SLC24A2: variants seen among roughly 807,000 people sequenced by gnomAD.
SLC24A2 encodes sodium/potassium/calcium exchanger 2.
In SLC24A2, 36 loss-of-function variants were observed where a neutral mutation model predicts 62.0. The observed-to-expected ratio is 0.58, with a 90% confidence interval of 0.44 to 0.77. The LOEUF (loss-of-function observed/expected upper bound fraction) is 0.77, where lower values mean the gene tolerates loss of function less well. SLC24A2 is among the 30% of genes least tolerant of loss of function. The pLI, the probability that SLC24A2 is intolerant of heterozygous loss-of-function variation, is 0.00. For missense variants in SLC24A2, 846 were observed against 817.9 expected, an observed-to-expected ratio of 1.03 and a Z score of -0.42; for synonymous variants, 358 against 294.0, an observed-to-expected ratio of 1.22 and a Z score of -2.23.
At chr9:19,639,055 C>A (rs1818427361) in intron 2 of SLC24A2, among the ~76,000 whole-genome samples, 1 of 152,078 alleles carries the variant, frequency 6.6e-6, no homozygotes, top group Admixed American at 6.6e-5. Context: ...ACATAATCTG[C>A]TTCAATTTCT....
the SLC24A2 span, among the ~76,000 whole-genome samples, chr9:20,079,172 C>A: frequency 2.0e-5 from 3 of 152,140 alleles, no homozygotes; most frequent in African/African-American, 7.2e-5. Context: ...AGTTATGCAG[C>A]CACCAGAAGC....
the SLC24A2 span, among the ~76,000 whole-genome samples, chr9:20,212,178 T>C: frequency 2.6e-5 from 4 of 151,686 alleles, no homozygotes; most frequent in South Asian, 6.2e-4. Context: ...AAAATATTAA[T>C]ATCAGTAAAA....
chr9:20,147,134 T>A, the SLC24A2 span, among the ~76,000 whole-genome samples: 1 of 152,164 alleles, frequency 6.6e-6, no homozygotes, highest in Non-Finnish European at 1.5e-5. Flanking sequence ...AACAGAGAAA[T>A]GCCTGATCAC....
the SLC24A2 span, among the ~76,000 whole-genome samples, chr9:20,055,725 T>C: frequency 2.6e-5 from 4 of 152,012 alleles, no homozygotes; most frequent in South Asian, 2.1e-4. Flanking sequence ...CAATCTCTAC[T>C]AAAAATACAA....
At chr9:19,845,706 C>G in the SLC24A2 span, among the ~76,000 whole-genome samples, 3 of 152,094 alleles carry the variant, frequency 2.0e-5, no homozygotes. Context: ...ATCTATTTAA[C>G]TTTTTGAAGT....
intron 2 of SLC24A2, among the ~76,000 whole-genome samples, chr9:19,685,016 A>C (rs1159981490): frequency 6.6e-6 from 1 of 152,148 alleles, no homozygotes; most frequent in Non-Finnish European, 1.5e-5. Context: ...GATAAAAATT[A>C]ATGTACAAAA....
At chr9:19,950,306 T>A in the SLC24A2 span, among the ~76,000 whole-genome samples, 24 of 152,334 alleles carry the variant, frequency 1.6e-4, no homozygotes, top group East Asian at 4.4e-3. Flanking sequence ...TTGCTATTAT[T>A]TTTATTACAA....
the SLC24A2 span, among the ~76,000 whole-genome samples, chr9:20,058,521 A>ACACACACACACACACAC: frequency 6.6e-6 from 1 of 151,710 alleles, no homozygotes; most frequent in African/African-American, 2.4e-5. Context: ...ACACACACAC[A>ACACACACACACACACAC]AATATTTGGG....
intron 2 of SLC24A2, among the ~76,000 whole-genome samples, chr9:19,626,383 A>T (rs1818036875): frequency 6.6e-6 from 1 of 152,174 alleles, no homozygotes; most frequent in South Asian, 2.1e-4. Context: ...CACCATGAAG[A>T]CTTCATAGGA....
At chr9:19,893,122 A>C in the SLC24A2 span, among the ~76,000 whole-genome samples, 2 of 152,354 alleles carry the variant, frequency 1.3e-5, no homozygotes, top group African/African-American at 4.8e-5. Flanking sequence ...CATGTAAGAA[A>C]GTCTCTATGA....
intron 2 of SLC24A2, among the ~76,000 whole-genome samples, chr9:19,683,116 A>C (rs1448661649): frequency 6.6e-6 from 1 of 152,148 alleles, no homozygotes; most frequent in Non-Finnish European, 1.5e-5. Flanking sequence ...AGAGGAGGGA[A>C]AGGTTTACTA....
the SLC24A2 span, among the ~76,000 whole-genome samples, chr9:19,893,205 G>C: frequency 6.6e-6 from 1 of 152,198 alleles, no homozygotes; most frequent in Admixed American, 6.5e-5. Context: ...TAACTTGAAA[G>C]ATATGAGATT....
At chr9:19,881,776 C>G in the SLC24A2 span, among the ~76,000 whole-genome samples, 5 of 152,134 alleles carry the variant, frequency 3.3e-5, no homozygotes, top group Non-Finnish European at 2.9e-5. Context: ...TTATTACAAG[C>G]TAAGTCAACA....
At chr9:19,951,990 G>T in the SLC24A2 span, among the ~76,000 whole-genome samples, 3 of 152,010 alleles carry the variant, frequency 2.0e-5, no homozygotes, top group African/African-American at 4.8e-5. Context: ...ATTTATGTAG[G>T]TATTTAATTT....
the SLC24A2 span, among the ~76,000 whole-genome samples, chr9:20,120,250 T>C: frequency 6.6e-6 from 1 of 152,136 alleles, no homozygotes. Context: ...AAATTTCCTA[T>C]GCCCTATTAA....
chr9:19,975,270 C>A, the SLC24A2 span, among the ~76,000 whole-genome samples: 1 of 152,192 alleles, frequency 6.6e-6, no homozygotes, highest in African/African-American at 2.4e-5. Context: ...ACTCCCTAGA[C>A]ATACTGACTA....
chr9:20,080,882 C>T, the SLC24A2 span, among the ~76,000 whole-genome samples: 1 of 152,124 alleles, frequency 6.6e-6, no homozygotes, highest in Non-Finnish European at 1.5e-5. Context: ...AAAAAATGCT[C>T]ACCATCACTG....
At chr9:20,295,698 G>A in the SLC24A2 span, among the ~76,000 whole-genome samples, 4 of 152,122 alleles carry the variant, frequency 2.6e-5, no homozygotes, top group African/African-American at 9.7e-5. Context: ...CTGAGCTCTG[G>A]GACTTACACC....
chr9:19,932,330 A>G, the SLC24A2 span, among the ~76,000 whole-genome samples: 35 of 152,220 alleles, frequency 2.3e-4, no homozygotes, highest in Non-Finnish European at 5.1e-4. Context: ...TCACTGCCGA[A>G]TAATGTTATA....
Sources: allele counts gnomAD v4.1 joint callset (sites outside exome capture counted in the v4.1 genomes callset), GRCh38; gene constraint gnomAD v4.1.1; transcripts MANE v1.5; gene names NCBI Gene and HGNC (gene_info 2026-07-23, HGNC 2026-07-21).